Variants in CALN1 observed in about 807,000 individuals in gnomAD.
CALN1 encodes the protein calcium-binding protein 8.
CALN1 carries 17 observed loss-of-function variants against 30.6 expected under a neutral mutation model. That is an observed-to-expected ratio of 0.56 (90% CI 0.38 to 0.83). The LOEUF (loss-of-function observed/expected upper bound fraction) is 0.83. Among genes scored for constraint, CALN1 ranks in the 40% least tolerant of loss-of-function variants. The pLI, the probability that CALN1 is intolerant of heterozygous loss-of-function variation, is 0.00. For synonymous variants in CALN1, 156 were observed against 131.4 expected (o/e 1.19, Z -1.28); for missense variants, 291 against 354.9 (o/e 0.82, Z 1.45).
intron 3 of CALN1, among the ~76,000 whole-genome samples, chr7:72,162,551 T>C (rs893288744): frequency 6.6e-6 from 1 of 151,472 alleles, no homozygotes. Context: ...CTGGGCAACA[T>C]GGTGAAACCC....
chr7:72,379,108 GA>G (rs1220998370), intron 2 of CALN1, among the ~76,000 whole-genome samples: 14 of 152,074 alleles, frequency 9.2e-5, no homozygotes, highest in Non-Finnish European at 1.9e-4. Context: ...ATTTTGTAAA[GA>G]ATATTTGTGG....
chr7:72,390,808 A>G (rs7786046), intron 2 of CALN1, among the ~76,000 whole-genome samples: 32,511 of 152,124 alleles, frequency 0.21, 3,932 homozygotes, highest in Non-Finnish European at 0.27. Flanking sequence ...ATGTGTTATT[A>G]TATCAACACA....
In CALN1 at chr7:72,122,264, A is replaced by G. The variant is rs545686634; in HGVS notation, c.245-15970T>C. Among the ~76,000 whole-genome samples, 229 of 152,120 alleles carry G rather than the reference A, an allele frequency of 1.5e-3. 1 individual carries two copies. The highest frequency in any genetic ancestry group is 3.9e-3 in the Admixed American group (60 of 15,262). On this transcript the variant is annotated intron_variant, in intron 3 of 6. Transcript: ENST00000395275. ...AAACGTTAATATACGGAGATTAGAG[A>G]CTCCTTGGCATCTGAGGAAACAAAA...
chr7:72,158,551 T>C (rs1450345514), intron 3 of CALN1, among the ~76,000 whole-genome samples: 1 of 152,166 alleles, frequency 6.6e-6, no homozygotes, highest in Non-Finnish European at 1.5e-5. Context: ...TGTGGAGAAG[T>C]GACCCAATCA....
At chr7:72,289,582 G>A (rs988933870) in intron 2 of CALN1, among the ~76,000 whole-genome samples, 1 of 152,064 alleles carries the variant, frequency 6.6e-6, no homozygotes, top group African/African-American at 2.4e-5. Context: ...TCCCAACATG[G>A]TACCACTAAA....
chr7:72,336,934 C>T (rs1802099495), intron 2 of CALN1: 11 of 985,122 alleles, frequency 1.1e-5, no homozygotes, highest in East Asian at 2.3e-4. Flanking sequence ...CGCGCCGGGA[C>T]CTGCACGAGC....
intron 3 of CALN1, among the ~76,000 whole-genome samples, chr7:72,227,660 G>C (rs955884184): frequency 1.3e-5 from 2 of 152,158 alleles, no homozygotes; most frequent in East Asian, 3.9e-4. Context: ...CTGAGTGAGA[G>C]GTCCAATCAC....
chr7:72,286,327 G>A (rs909534757), intron 2 of CALN1, among the ~76,000 whole-genome samples: 4 of 152,142 alleles, frequency 2.6e-5, no homozygotes, highest in Non-Finnish European at 5.9e-5. Context: ...GCTACTCATG[G>A]ATCATAACTC....
chr7:72,316,122 G>C lies in CALN1; in HGVS notation c.120-37312C>G, dbSNP rs550733728. Among the ~76,000 whole-genome samples, 12 of 151,210 alleles carry C rather than the reference G, an allele frequency of 7.9e-5. No individual in the cohort carries two copies. In the South Asian group the frequency reaches 2.5e-3, roughly 32 times the overall value. ...GCTGAGATTGCACCACTGCACTCCA[G>C]CCCAGATGACAGATTATGTCTTTAA... is the stretch of plus-strand genomic sequence containing the variant. On this transcript the variant is annotated intron_variant, in intron 2 of 6. Coordinates refer to ENST00000395275, the MANE Select transcript of CALN1 (RefSeq NM_031468.4).
Position 72,177,666 on chromosome 7 carries a change from G to A in CALN1, c.245-71372C>T, listed in dbSNP as rs138613346. Among the ~76,000 whole-genome samples the A allele has an allele frequency of 5.6e-3, 853 of 151,278 alleles. 8 individuals are homozygous for A. Among genetic ancestry groups the A allele is most frequent in the African/African-American group, 0.019 (792 of 41,186 alleles). ...TGTAATCCCAACTACTTGGAAGGCT[G>A]AGGCAGGAGGATCACTTGAACCTGA... is the stretch of plus-strand genomic sequence containing the variant. On this transcript the variant is annotated intron_variant, in intron 3 of 6. Coordinates refer to ENST00000395275, the MANE Select transcript of CALN1 (RefSeq NM_031468.4).
chr7:72,440,944 T>G (rs1808325237), intron 1 of CALN1, among the ~76,000 whole-genome samples: 1 of 152,268 alleles, frequency 6.6e-6, no homozygotes, highest in Admixed American at 6.5e-5. Flanking sequence ...AAATACAAAT[T>G]TTTTGGTACA....
At chr7:72,291,681 G>A (rs1478225360) in intron 2 of CALN1, among the ~76,000 whole-genome samples, 1 of 152,046 alleles carries the variant, frequency 6.6e-6, no homozygotes, top group Admixed American at 6.6e-5. Context: ...CCACCTGTAA[G>A]TGAAAACTGT....
rs542180802 is a variant in CALN1, at chr7:71,780,740, C to G, written c.*7035G>C. The G allele has an allele frequency of 3.3e-5, 5 of 151,922 alleles. No individual in the cohort carries two copies. The East Asian group carries it at 9.7e-4, about 29-fold the overall frequency. 9.4% of individuals were successfully genotyped at this position (151,922 alleles called of 1,614,324 possible). On this transcript the variant is annotated 3_prime_UTR_variant, in exon 7 of 7. Transcript: ENST00000395275. ...GAAAGAAATAACTGGAAATTGTGCT[C>G]TTTATTCAGTAGCTTTCAGTAAGGC...
intron 2 of CALN1, among the ~76,000 whole-genome samples, chr7:72,367,317 T>C (rs1478008591): frequency 6.6e-6 from 1 of 151,798 alleles, no homozygotes; most frequent in African/African-American, 2.4e-5. Context: ...CAAGGCCCTG[T>C]CTCTACAAAA....
At chr7:72,470,794 C>T in the CALN1 span, among the ~76,000 whole-genome samples, 1 of 152,124 alleles carries the variant, frequency 6.6e-6, no homozygotes, top group South Asian at 2.1e-4. Flanking sequence ...GGAAGCAAAC[C>T]CATATCCAGA....
intron 4 of CALN1, among the ~76,000 whole-genome samples, chr7:72,048,031 T>G (rs1484096201): frequency 7.4e-6 from 1 of 135,760 alleles, no homozygotes; most frequent in African/African-American, 2.7e-5. Flanking sequence ...TATTGCTTCT[T>G]CTTCTTCTTC....
intron 3 of CALN1, among the ~76,000 whole-genome samples, chr7:72,113,227 G>T (rs2129541675): frequency 6.6e-6 from 1 of 152,226 alleles, no homozygotes; most frequent in South Asian, 2.1e-4. Context: ...GGAGGAGGAG[G>T]GGTTGCATGA....
chr7:72,362,172 A>G (rs748914178), intron 2 of CALN1, among the ~76,000 whole-genome samples: 11 of 152,292 alleles, frequency 7.2e-5, no homozygotes, highest in East Asian at 5.8e-4. Flanking sequence ...TAAAATATCC[A>G]CGTCCAGGGT....
intron 5 of CALN1, among the ~76,000 whole-genome samples, chr7:71,978,441 T>G (rs757489522): frequency 2.4e-4 from 36 of 151,180 alleles, no homozygotes; most frequent in Admixed American, 3.3e-4. Context: ...CCCAGCTAAT[T>G]TTTTTTGTAT....
Sources: gnomAD v4.1 joint callset for allele counts (sites outside exome capture counted in the v4.1 genomes callset) on GRCh38, gnomAD v4.1.1 for gene constraint, MANE v1.5 for transcripts, NCBI Gene and HGNC (gene_info 2026-07-23, HGNC 2026-07-21) for gene names.